Variants in ASAP1 observed in about 807,000 individuals in gnomAD.
ASAP1 encodes the protein arf-GAP with SH3 domain, ANK repeat and PH domain-containing protein 1.
In ASAP1, 43 loss-of-function variants were observed where a neutral mutation model predicts 145.2. The ratio of observed to expected loss-of-function variants is 0.30; its 90% CI spans 0.23 to 0.38. The LOEUF is 0.38. Ranked by LOEUF, ASAP1 falls within the 10% of genes least tolerant of loss-of-function variation. The pLI, the probability that ASAP1 is intolerant of heterozygous loss-of-function variation, is 1.00. For missense variants in ASAP1, 1,018 were observed against 1,355.3 expected, an observed-to-expected ratio of 0.75 and a Z score of 3.91; for synonymous variants, 546 against 515.5, an observed-to-expected ratio of 1.06 and a Z score of -0.80.
At chr8:130,426,921 T>C (rs939506299) in intron 1 of ASAP1, among the ~76,000 whole-genome samples, 9 of 152,200 alleles carry the variant, frequency 5.9e-5, no homozygotes, top group Non-Finnish European at 8.8e-5. Context: ...TCCATGAGGA[T>C]AGGGATTTTT....
chr8:130,189,028 A>G lies in ASAP1; in HGVS notation c.406-845T>C, dbSNP rs143620975. Among the ~76,000 whole-genome samples, 618 of 152,038 alleles carry G rather than the reference A, an allele frequency of 4.1e-3. 5 individuals carry two copies. Among genetic ancestry groups the G allele is most frequent in the South Asian group, 0.027 (129 of 4,804 alleles). ...TTTTTTTGCTCAGATTTATCTTTTA[A>G]TTTTTAGTTTTTATGGATACATAAT... On this transcript the variant is annotated intron_variant, in intron 5 of 29. Coordinates refer to ENST00000518721, the MANE Select transcript of ASAP1 (RefSeq NM_018482.4).
intron 3 of ASAP1, among the ~76,000 whole-genome samples, chr8:130,253,417 T>C (rs946169433): frequency 2.0e-5 from 3 of 152,208 alleles, no homozygotes; most frequent in Non-Finnish European, 2.9e-5. Context: ...GCATACGCTT[T>C]GATTTTTTTC....
At chr8:130,397,671 G>A (rs769464357) in intron 2 of ASAP1, among the ~76,000 whole-genome samples, 2 of 152,228 alleles carry the variant, frequency 1.3e-5, no homozygotes, top group African/African-American at 4.8e-5. Flanking sequence ...ATTTCTTGAT[G>A]TAGCCCTCCT....
At chr8:130,102,478 T>A (rs938026239) in intron 24 of ASAP1, among the ~76,000 whole-genome samples, 2 of 152,214 alleles carry the variant, frequency 1.3e-5, no homozygotes, top group Non-Finnish European at 2.9e-5. Context: ...TCTTTTGATG[T>A]GTTGTTGGAT....
At chr8:130,216,332 T>C (rs1334987894) in intron 4 of ASAP1, among the ~76,000 whole-genome samples, 4 of 152,230 alleles carry the variant, frequency 2.6e-5, no homozygotes, top group African/African-American at 9.6e-5. Flanking sequence ...AAACATTAAT[T>C]TGTGAAAATT....
chr8:130,270,443 G>A (rs1342846970), intron 3 of ASAP1, among the ~76,000 whole-genome samples: 1 of 152,204 alleles, frequency 6.6e-6, no homozygotes, highest in Non-Finnish European at 1.5e-5. Context: ...AGCTCTGTAT[G>A]TAAAAGTATA....
intron 4 of ASAP1, among the ~76,000 whole-genome samples, chr8:130,219,666 A>G (rs887432078): frequency 3.9e-5 from 6 of 152,198 alleles, no homozygotes; most frequent in Non-Finnish European, 7.3e-5. Context: ...TAGGTGAGAA[A>G]AGAAGACTGG....
At chr8:130,402,066 C>T (rs1828822358) in intron 1 of ASAP1, 96 bp from the exon 2 acceptor site, 2 of 754,834 alleles carry the variant, frequency 2.6e-6, no homozygotes, top group East Asian at 5.2e-5. Context: ...CATATGGAGG[C>T]TGCACCTTTG....
At chr8:130,163,842 T>A (rs2097674586) in intron 11 of ASAP1, among the ~76,000 whole-genome samples, 1 of 152,262 alleles carries the variant, frequency 6.6e-6, no homozygotes, top group East Asian at 1.9e-4. Flanking sequence ...AAAATCTTTT[T>A]AATTTCCTAT....
At chr8:130,144,786 A>C (rs1294468372) in intron 13 of ASAP1, among the ~76,000 whole-genome samples, 1 of 152,152 alleles carries the variant, frequency 6.6e-6, no homozygotes, top group Non-Finnish European at 1.5e-5. Context: ...TAACCCTCCC[A>C]ACCATTTTAC....
At chr8:130,374,329 A>G (rs974427311) in intron 2 of ASAP1, among the ~76,000 whole-genome samples, 1 of 152,248 alleles carries the variant, frequency 6.6e-6, no homozygotes, top group African/African-American at 2.4e-5. Context: ...ATTGTTTTCC[A>G]TGAAGCTAAT....
chr8:130,282,094 T>A (rs938715343), intron 3 of ASAP1, among the ~76,000 whole-genome samples: 7 of 149,404 alleles, frequency 4.7e-5, no homozygotes, highest in African/African-American at 1.5e-4. Context: ...AGGAATGGCA[T>A]GGCAAAAATC....
At chr8:130,279,918 G>T (rs1440677887) in intron 3 of ASAP1, among the ~76,000 whole-genome samples, 1 of 152,146 alleles carries the variant, frequency 6.6e-6, no homozygotes, top group Non-Finnish European at 1.5e-5. Flanking sequence ...ACTAAAAAGA[G>T]GAGATGGGAA....
At chr8:130,380,975 C>T (rs1054972792) in intron 2 of ASAP1, among the ~76,000 whole-genome samples, 33 of 152,164 alleles carry the variant, frequency 2.2e-4, no homozygotes, top group African/African-American at 7.7e-4. Context: ...ACCTCGCCTC[C>T]CGGGTTCAAG....
intron 3 of ASAP1, among the ~76,000 whole-genome samples, chr8:130,344,106 T>C (rs1391282951): frequency 6.6e-6 from 1 of 152,234 alleles, no homozygotes; most frequent in African/African-American, 2.4e-5. Flanking sequence ...AGTGCAGGGT[T>C]GCAGTCAACA....
chr8:130,356,380 T>C (rs896227050), intron 3 of ASAP1, among the ~76,000 whole-genome samples: 3 of 152,186 alleles, frequency 2.0e-5, no homozygotes, highest in African/African-American at 7.2e-5. Context: ...CTTAGAAGTA[T>C]ATACAATTAG....
intron 2 of ASAP1, among the ~76,000 whole-genome samples, chr8:130,394,286 G>T (rs555598084): frequency 1.3e-5 from 2 of 152,156 alleles, no homozygotes; most frequent in African/African-American, 4.8e-5. Context: ...AAGAGAATGC[G>T]CCCCTGAGGG....
In ASAP1 at chr8:130,060,716, G is replaced by C. The variant is rs1419197143; in HGVS notation, c.3055C>G (p.Leu1019Val). The change falls in exon 28 of 30, where the codon CTG becomes GTG. Residue 1019 changes from leucine (L) to valine (V), a missense_variant. Around this residue, in one of 9 missense-constraint regions of ASAP1, gnomAD observed 139 missense variants for 131.0 expected, o/e 1.06. Transcript: ENST00000518721. ...GATAGATCCAATGGGTGTGACTTCA[G>C]TGTGACCTCAGAGGGTTGCTGAGCC... ...PKAQQPSEVT[L>V]KSHPLDLSPN... 6.2e-7 allele frequency: 1 copy of C among 1,614,226 alleles called. No individual in the cohort carries two copies. The highest frequency in any genetic ancestry group is 1.3e-5 in the African/African-American group (1 of 75,054).
intron 9 of ASAP1, among the ~76,000 whole-genome samples, chr8:130,171,263 T>C (rs909367241): frequency 1.3e-5 from 2 of 152,190 alleles, no homozygotes; most frequent in Admixed American, 6.5e-5. Context: ...TGGAATGCCC[T>C]TCCCCTCTAT....
Sources: allele counts gnomAD v4.1 joint callset (sites outside exome capture counted in the v4.1 genomes callset), GRCh38; gene constraint gnomAD v4.1.1; regional missense constraint gnomAD v4.1.1; transcripts MANE v1.5; gene names NCBI Gene and HGNC (gene_info 2026-07-23, HGNC 2026-07-21).